The following PCDHA10 variants were observed in gnomAD, a reference collection of about 807,000 sequenced individuals.
The protein encoded by PCDHA10 is protocadherin alpha 10, also known as protocadherin alpha-10.
A neutral mutation model predicts 61.2 loss-of-function variants in PCDHA10; 45 were observed. The ratio of observed to expected loss-of-function variants is 0.74; its 90% CI spans 0.58 to 0.94. PCDHA10 has a LOEUF of 0.94. PCDHA10 is among the 40% of genes least tolerant of loss of function. PCDHA10 has a pLI of 0.00. For synonymous variants in PCDHA10, 602 were observed against 548.8 expected (o/e 1.10, Z -1.35); for missense variants, 1,278 against 1,236.2 (o/e 1.03, Z -0.51).
intron 1 of PCDHA10, among the ~76,000 whole-genome samples, chr5:140,915,722 A>G (rs559518429): frequency 1.3e-5 from 2 of 151,088 alleles, no homozygotes; most frequent in South Asian, 4.2e-4. Flanking sequence ...CCCACTTTGG[A>G]TTGTGCTGGG....
At chr5:140,862,494 G>A (rs1008951764) in intron 1 of PCDHA10, 2 of 389,834 alleles carry the variant, frequency 5.1e-6, no homozygotes, top group South Asian at 2.0e-5. Context: ...GTAATCGCTC[G>A]GAATGGGGAC....
chr5:140,901,352 G>T (rs1426715966), intron 1 of PCDHA10, among the ~76,000 whole-genome samples: 2 of 152,138 alleles, frequency 1.3e-5, no homozygotes, highest in East Asian at 3.8e-4. Flanking sequence ...TGATGTCTTA[G>T]ATTTAAGTCT....
chr5:140,886,159 C>T (rs1006053368), intron 1 of PCDHA10, among the ~76,000 whole-genome samples: 16 of 152,164 alleles, frequency 1.1e-4, no homozygotes, highest in Non-Finnish European at 2.1e-4. Flanking sequence ...TTTTTATAGC[C>T]ACATCTGCTT....
Position 140,951,753 on chromosome 5 carries a change from C to T in PCDHA10, c.2389-27196C>T, listed in dbSNP as rs140119406. ...ATTCTGCCACTGCCCTCACCCTCCGCGAAATCTCATGACGTTCTTACATTG... is the reference window on the plus strand; with the variant it reads ...ATTCTGCCACTGCCCTCACCCTCCGTGAAATCTCATGACGTTCTTACATTG... On this transcript the variant is annotated intron_variant, in intron 1 of 3. Transcript: ENST00000307360. Among the ~76,000 whole-genome samples the T allele has an allele frequency of 7.0e-3, 1,059 of 152,208 alleles. 11 individuals are homozygous for T. The highest frequency in any genetic ancestry group is 0.014 in the Admixed American group (209 of 15,290).
At chr5:140,902,066 T>C (rs2069077660) in intron 1 of PCDHA10, among the ~76,000 whole-genome samples, 1 of 152,202 alleles carries the variant, frequency 6.6e-6, no homozygotes, top group Admixed American at 6.5e-5. Flanking sequence ...GCAACTTTAC[T>C]GAATTTATTG....
intron 1 of PCDHA10, chr5:140,928,453 T>G (rs528077853): frequency 1.9e-6 from 3 of 1,613,888 alleles, no homozygotes; most frequent in African/African-American, 2.7e-5. Flanking sequence ...GCTCAGGGGG[T>G]TTCATTTCCA....
Position 140,857,506 on chromosome 5 carries a change from C to A in PCDHA10, c.1458C>A (p.Asn486Lys). ...CGTGGGACGCGGACGCGCAGGAGAACGCCCTGGTGTCCTACTCTCTGGTGG... is the reference window on the plus strand; with the variant it reads ...CGTGGGACGCGGACGCGCAGGAGAAAGCCCTGGTGTCCTACTCTCTGGTGG... ...VSAWDADAQE[N>K]ALVSYSLVER... Residue 486 changes from asparagine (N) to lysine (K), a missense_variant, in exon 1 of 4, where the codon AAC (asparagine) becomes AAA (lysine). By Grantham distance (94) the Asn-to-Lys change is moderately conservative. Coordinates refer to ENST00000307360, the MANE Select transcript of PCDHA10 (RefSeq NM_018901.4). The A allele has an allele frequency of 1.3e-6, 2 of 1,598,276 alleles. No individual in the cohort carries two copies. Among genetic ancestry groups the A allele is most frequent in the Non-Finnish European group, 1.7e-6 (2 of 1,167,860 alleles).
chr5:140,889,441 C>G (rs2062226063), intron 1 of PCDHA10, among the ~76,000 whole-genome samples: 2 of 151,842 alleles, frequency 1.3e-5, no homozygotes, highest in African/African-American at 2.4e-5. Flanking sequence ...CAGGTATTTT[C>G]CTGTTTAATC....
At chr5:140,905,880 A>G (rs1485985374) in intron 1 of PCDHA10, among the ~76,000 whole-genome samples, 4 of 152,172 alleles carry the variant, frequency 2.6e-5, no homozygotes, top group Non-Finnish European at 1.5e-5. Flanking sequence ...AGGCCCAACA[A>G]TAGGCCATCT....
intron 1 of PCDHA10, chr5:140,883,651 G>A (rs782597421): frequency 1.9e-6 from 3 of 1,613,652 alleles, no homozygotes; most frequent in Middle Eastern, 1.7e-4. Flanking sequence ...CCGAGTACAC[G>A]GTGTTCGTGA....
Position 140,858,330 on chromosome 5 carries a change from G to A in PCDHA10, c.2282G>A (p.Gly761Asp). Residue 761 changes from glycine to aspartate, a missense_variant, in exon 1 of 4, where the codon GGC becomes GAC. Transcript: ENST00000307360. Reference sequence around the variant, plus strand: ...CGGCAGAGGGTGTGTTCTGGGGAGGGCCTGCCCAAGGCGGACCTCATGGCC... The same window carrying A: ...CGGCAGAGGGTGTGTTCTGGGGAGGACCTGCCCAAGGCGGACCTCATGGCC... Reference protein sequence around the residue: ...QRRQRVCSGEGLPKADLMAFS... With the variant: ...QRRQRVCSGEDLPKADLMAFS... 6.3e-7 allele frequency: 1 copy of A among 1,596,082 alleles called. No homozygotes were observed.
Position 140,856,312 on chromosome 5 carries a change from G to C in PCDHA10, c.264G>C (p.Arg88=). The change falls in exon 1 of 4, where the codon CGG becomes CGC. Residue 88 remains arginine, a synonymous_variant. Coordinates refer to ENST00000307360, the MANE Select transcript of PCDHA10 (RefSeq NM_018901.4). ...LQNGILFVNS[R]IDREELCGRS... The stretch of plus-strand genomic sequence containing the variant: ...ATGGCATTTTGTTTGTGAATTCTCG[G>C]ATTGACCGCGAGGAGCTGTGCGGGC... The C allele has an allele frequency of 6.3e-7, 1 of 1,598,632 alleles. No homozygotes were observed. Among genetic ancestry groups the C allele is most frequent in the Non-Finnish European group, 8.6e-7 (1 of 1,168,058 alleles).
chr5:140,896,485 C>G (rs1259028670), intron 1 of PCDHA10, among the ~76,000 whole-genome samples: 1 of 152,032 alleles, frequency 6.6e-6, no homozygotes, highest in Non-Finnish European at 1.5e-5. Context: ...GCCTCAGCCT[C>G]CTGAGTAGCT....
chr5:140,985,739 CTTTTTTTTT>C (rs11372071), intron 3 of PCDHA10, among the ~76,000 whole-genome samples: 4 of 117,922 alleles, frequency 3.4e-5, no homozygotes, highest in African/African-American at 3.2e-5. Flanking sequence ...TGATGAATTC[CTTTTTTTTT>C]TTTTTTTTTT....
In PCDHA10 at chr5:141,010,033, G is replaced by A. The variant is rs2098415819; in HGVS notation, c.*96G>A. 1.9e-6 allele frequency: 3 copies of A among 1,581,924 alleles called. No homozygotes were observed. The South Asian group carries it at 3.6e-5, about 19-fold the overall frequency. ...CCCTGCTCCTTTTTCCTATCTACAT[G>A]AGCCCTCTTAGAGACCTCAGAAATC... On this transcript the variant is annotated 3_prime_UTR_variant, in exon 4 of 4. Transcript: ENST00000307360.
At chr5:140,977,055 A>G (rs1220462981) in intron 1 of PCDHA10, among the ~76,000 whole-genome samples, 1 of 152,234 alleles carries the variant, frequency 6.6e-6, no homozygotes, top group Non-Finnish European at 1.5e-5. Context: ...CTGATGGACT[A>G]GTATAGAAAA....
chr5:140,962,171 G>T (rs1218733161), intron 1 of PCDHA10, among the ~76,000 whole-genome samples: 1 of 151,902 alleles, frequency 6.6e-6, no homozygotes, highest in Admixed American at 6.6e-5. Flanking sequence ...CACCACACCC[G>T]GCCACTTATA....
At chr5:140,926,923 T>G in intron 1 of PCDHA10, 1 of 1,571,554 alleles carries the variant, frequency 6.4e-7, no homozygotes. Flanking sequence ...AGTTTTATGT[T>G]TGTGGGTTTC....
At chr5:140,899,217 C>T (rs1467184800) in intron 1 of PCDHA10, among the ~76,000 whole-genome samples, 1 of 152,040 alleles carries the variant, frequency 6.6e-6, no homozygotes, top group Non-Finnish European at 1.5e-5. Flanking sequence ...GCCAGAACTT[C>T]CAACACTATG....
Sources: gnomAD v4.1 joint callset for allele counts (sites outside exome capture counted in the v4.1 genomes callset) on GRCh38, gnomAD v4.1.1 for gene constraint, MANE v1.5 for transcripts, NCBI Gene and HGNC (gene_info 2026-07-23, HGNC 2026-07-21) for gene names.